Variants in CDH20 observed in about 807,000 individuals in gnomAD.
CDH20 encodes the protein cadherin 20, also known as cadherin-20.
CDH20 carries 29 observed loss-of-function variants against 74.2 expected under a neutral mutation model. The ratio of observed to expected loss-of-function variants is 0.39; its 90% CI spans 0.29 to 0.53. The LOEUF is 0.53. CDH20 is among the 20% of genes least tolerant of loss of function. The pLI is 0.69. For synonymous variants in CDH20, 469 were observed against 405.4 expected, an observed-to-expected ratio of 1.16 and a Z score of -1.88; for missense variants, 988 against 1,048.3, an observed-to-expected ratio of 0.94 and a Z score of 0.79.
chr18:61,470,318 C>T (rs1429893102), intron 1 of CDH20, among the ~76,000 whole-genome samples: 1 of 152,150 alleles, frequency 6.6e-6, no homozygotes, highest in Non-Finnish European at 1.5e-5. Flanking sequence ...ATTTCTACGC[C>T]GTATTGTTAA....
chr18:61,490,770 A>T lies in CDH20; in HGVS notation c.217A>T (p.Thr73Ser). The change falls in exon 2 of 12, where the codon ACT becomes TCT. Residue 73 changes from threonine to serine, a missense_variant. Physicochemically the swap from Thr to Ser is moderately conservative, Grantham distance 58. Around this residue, in one of 2 missense-constraint regions of CDH20, gnomAD observed 613 missense variants for 755.2 expected, o/e 0.81. Transcript: ENST00000262717. ...WNQFFVLEEYTGTDPLYVGKL... is the reference protein window; with the variant it reads ...WNQFFVLEEYSGTDPLYVGKL... ...CCAGTTTTTCGTTCTGGAAGAGTAC[A>T]CTGGGACCGACCCTTTGTATGTCGG... The T allele has an allele frequency of 3.1e-6, 5 of 1,614,192 alleles. No individual in the cohort carries two copies. The highest frequency in any genetic ancestry group is 4.2e-6 in the Non-Finnish European group (5 of 1,180,036).
rs898807785 is a variant in CDH20 at position 61,511,376 on chromosome 18, G to A, written c.1017+3816G>A. 2.6e-5 allele frequency among the ~76,000 whole-genome samples: 4 copies of A among 152,046 alleles called. No individual in the cohort carries two copies. In the East Asian group the frequency reaches 5.8e-4, roughly 22 times the overall value. ...TTTGTTTTGTTTTTGTAGAGACAAGGTCACCCTATGTTTTCCAGGCTGGTC... is the reference window on the plus strand; with the variant it reads ...TTTGTTTTGTTTTTGTAGAGACAAGATCACCCTATGTTTTCCAGGCTGGTC... On this transcript the variant is annotated intron_variant, in intron 6 of 11. Coordinates refer to ENST00000262717, the MANE Select transcript of CDH20 (RefSeq NM_031891.4).
intron 1 of CDH20, among the ~76,000 whole-genome samples, chr18:61,471,902 G>C (rs1473792946): frequency 6.6e-6 from 1 of 152,132 alleles, no homozygotes; most frequent in African/African-American, 2.4e-5. Context: ...AAAAAGACAT[G>C]TGATTTGTTA....
At chr18:61,425,940 C>G (rs773970141) in intron 1 of CDH20, among the ~76,000 whole-genome samples, 2 of 152,102 alleles carry the variant, frequency 1.3e-5, no homozygotes, top group African/African-American at 4.8e-5. Context: ...ATTGTTAAGA[C>G]GGCAACACTC....
At chr18:61,495,005 T>G (rs147386377) in intron 2 of CDH20, among the ~76,000 whole-genome samples, 67 of 152,238 alleles carry the variant, frequency 4.4e-4, no homozygotes, top group African/African-American at 1.4e-3. Flanking sequence ...CACTCACTAC[T>G]CCCTTGGCTG....
At chr18:61,445,944 G>A (rs1220810474) in intron 1 of CDH20, among the ~76,000 whole-genome samples, 2 of 152,016 alleles carry the variant, frequency 1.3e-5, no homozygotes, top group African/African-American at 4.8e-5. Context: ...TAGGCTGAGG[G>A]TCCCAGGCTT....
chr18:61,468,364 C>T (rs1012212379), intron 1 of CDH20, among the ~76,000 whole-genome samples: 1 of 152,072 alleles, frequency 6.6e-6, no homozygotes, highest in Non-Finnish European at 1.5e-5. Context: ...CATCAAGATA[C>T]GCTAAGGATG....
chr18:61,389,878 G>A (rs777793332), intron 1 of CDH20, among the ~76,000 whole-genome samples: 11 of 152,126 alleles, frequency 7.2e-5, no homozygotes, highest in Admixed American at 7.2e-4. Context: ...GATCCTGCAA[G>A]CATCTCCTTT....
At chr18:61,433,084 A>G (rs1327576250) in intron 1 of CDH20, among the ~76,000 whole-genome samples, 3 of 152,194 alleles carry the variant, frequency 2.0e-5, no homozygotes, top group Non-Finnish European at 4.4e-5. Context: ...TGTGACCTTG[A>G]ATGAGTTACC....
intron 1 of CDH20, among the ~76,000 whole-genome samples, chr18:61,351,641 T>TAA (rs201829009): frequency 6.9e-6 from 1 of 144,558 alleles, no homozygotes; most frequent in African/African-American, 2.5e-5. Flanking sequence ...AAAGTCTAAT[T>TAA]AAAAAAAAAA....
At chr18:61,413,500 G>A (rs1912580532) in intron 1 of CDH20, among the ~76,000 whole-genome samples, 1 of 152,096 alleles carries the variant, frequency 6.6e-6, no homozygotes, top group African/African-American at 2.4e-5. Context: ...GTGTGGCCAT[G>A]CATAAAAACT....
chr18:61,400,319 AG>A (rs1325923646), intron 1 of CDH20, among the ~76,000 whole-genome samples: 1 of 152,228 alleles, frequency 6.6e-6, no homozygotes, highest in African/African-American at 2.4e-5. Flanking sequence ...TGTCAGGTCT[AG>A]ACAGAGCAAG....
chr18:61,554,661 A>G lies in CDH20; in HGVS notation c.2372A>G (p.Tyr791Cys). 1 of 1,591,634 alleles carries G rather than the reference A, an allele frequency of 6.3e-7. No homozygotes were observed. The highest frequency in any genetic ancestry group is 8.6e-7 in the Non-Finnish European group (1 of 1,169,236). Residue 791 changes from tyrosine to cysteine, a missense_variant, in exon 12 of 12, where the codon TAC becomes TGC. Tyr to Cys is a radical substitution (Grantham distance 194). This residue lies in a region of CDH20 where 375 missense variants were observed against 293.1 expected (regional missense o/e 1.28). Transcript: ENST00000262717. The part of the protein sequence containing the change: ...GPRFRKLAEL[Y>C]GASEGPAPLW ...CGCTTCCGGAAGCTGGCCGAGCTCT[A>G]CGGGGCGTCGGAGGGACCCGCGCCG...
chr18:61,468,873 G>T (rs1030433646), intron 1 of CDH20, among the ~76,000 whole-genome samples: 27 of 152,270 alleles, frequency 1.8e-4, no homozygotes, highest in African/African-American at 6.3e-4. Context: ...GACTGGCAAA[G>T]GTGTTCTTTA....
intron 1 of CDH20, among the ~76,000 whole-genome samples, chr18:61,486,092 T>C (rs1178435555): frequency 6.6e-6 from 1 of 151,902 alleles, no homozygotes; most frequent in South Asian, 2.1e-4. Flanking sequence ...ATAAAATAAA[T>C]AAACAAACCC....
intron 6 of CDH20, among the ~76,000 whole-genome samples, chr18:61,515,389 C>A (rs951521233): frequency 6.6e-6 from 1 of 152,062 alleles, no homozygotes; most frequent in Non-Finnish European, 1.5e-5. Flanking sequence ...CACTGACCTG[C>A]GCCCACTGTC....
intron 10 of CDH20, among the ~76,000 whole-genome samples, chr18:61,547,691 G>A (rs1406326516): frequency 6.6e-6 from 1 of 152,034 alleles, no homozygotes; most frequent in Non-Finnish European, 1.5e-5. Flanking sequence ...ATTAGAAATT[G>A]AGTCCTGTTT....
At chr18:61,467,799 G>A (rs1049777864) in intron 1 of CDH20, among the ~76,000 whole-genome samples, 6 of 152,216 alleles carry the variant, frequency 3.9e-5, no homozygotes, top group Admixed American at 1.3e-4. Flanking sequence ...TAAATCATTT[G>A]CCAAAAAACA....
chr18:61,442,358 A>G (rs59527839), intron 1 of CDH20, among the ~76,000 whole-genome samples: 1 of 61,314 alleles, frequency 1.6e-5, no homozygotes, highest in East Asian at 4.9e-4. Flanking sequence ...CTTAAAAAAA[A>G]GAAAAAGAAA....
Sources: allele counts gnomAD v4.1 joint callset (sites outside exome capture counted in the v4.1 genomes callset), GRCh38; gene constraint gnomAD v4.1.1; regional missense constraint gnomAD v4.1.1; transcripts MANE v1.5; gene names NCBI Gene and HGNC (gene_info 2026-07-23, HGNC 2026-07-21).